Variants in TMEM41B observed in about 807,000 individuals in gnomAD.
The protein encoded by TMEM41B is protein stasimon.
In TMEM41B, 18 loss-of-function variants were observed where a neutral mutation model predicts 31.9. The observed-to-expected ratio is 0.56, with a 90% CI of 0.39 to 0.84. TMEM41B has a LOEUF of 0.84. Ranked by LOEUF, TMEM41B falls within the 40% of genes least tolerant of loss-of-function variation. The pLI is 0.00. For synonymous variants in TMEM41B, 144 were observed against 124.3 expected, an observed-to-expected ratio of 1.16 and a Z score of -1.05; for missense variants, 322 against 348.0, an observed-to-expected ratio of 0.93 and a Z score of 0.59.
intron 2 of TMEM41B, among the ~76,000 whole-genome samples, chr11:9,296,372 C>A (rs1279068195): frequency 6.6e-6 from 1 of 151,578 alleles, no homozygotes; most frequent in Non-Finnish European, 1.5e-5. Flanking sequence ...ACGCCTGTAA[C>A]CCCAGCACTT....
intron 1 of TMEM41B, among the ~76,000 whole-genome samples, chr11:9,305,974 C>CTTTTTT (rs764647127): frequency 9.8e-6 from 1 of 101,592 alleles, no homozygotes; most frequent in Non-Finnish European, 2.1e-5. Flanking sequence ...TACACCAGCA[C>CTTTTTT]TTTTCTTTTT....
intron 3 of TMEM41B, 178 bp downstream of exon 3, chr11:9,295,081 G>C (rs1471812612): frequency 1.1e-6 from 1 of 894,380 alleles, no homozygotes; most frequent in East Asian, 3.6e-5. Flanking sequence ...AAAACAATTA[G>C]TTCAGCAAAT....
At chr11:9,314,240 G>GAC in intron 1 of TMEM41B, 81 bp downstream of exon 1, 1 of 1,456,524 alleles carries the variant, frequency 6.9e-7, no homozygotes, top group Non-Finnish European at 9.1e-7. Flanking sequence ...GCGACTCTCC[G>GAC]AGAATAGCGG....
intron 1 of TMEM41B, among the ~76,000 whole-genome samples, chr11:9,305,927 C>T (rs1160134386): frequency 6.6e-6 from 1 of 150,872 alleles, no homozygotes; most frequent in East Asian, 1.9e-4. Flanking sequence ...CTTATGGCCA[C>T]ATTACACACA....
chr11:9,308,532 G>C (rs1430541729), intron 1 of TMEM41B, among the ~76,000 whole-genome samples: 1 of 151,964 alleles, frequency 6.6e-6, no homozygotes, highest in Non-Finnish European at 1.5e-5. Context: ...TAGCACCTTT[G>C]ACTGAAATCC....
chr11:9,309,508 G>C (rs926477989), intron 1 of TMEM41B, among the ~76,000 whole-genome samples: 6 of 111,962 alleles, frequency 5.4e-5, no homozygotes, highest in African/African-American at 1.5e-4. Context: ...TTCATCTACA[G>C]TAATCAGAGC....
At chr11:9,309,942 CAAAA>C in intron 1 of TMEM41B, among the ~76,000 whole-genome samples, 1 of 148,050 alleles carries the variant, frequency 6.8e-6, no homozygotes, top group East Asian at 2.0e-4. Context: ...AACAAAAGAA[CAAAA>C]AAAAATATTG....
intron 3 of TMEM41B, among the ~76,000 whole-genome samples, chr11:9,289,662 G>C (rs1003302922): frequency 1.3e-5 from 2 of 152,108 alleles, no homozygotes; most frequent in Non-Finnish European, 2.9e-5. Context: ...TTCTCTCCTC[G>C]TTCCCTGTGA....
chr11:9,299,635 G>C lies in TMEM41B; in HGVS notation c.188C>G (p.Ser63Cys), dbSNP rs146109503. 1 of 1,613,622 alleles carries C rather than the reference G, an allele frequency of 6.2e-7. No individual in the cohort carries two copies. Among genetic ancestry groups the C allele is most frequent in the Non-Finnish European group, 8.5e-7 (1 of 1,179,894 alleles). Residue 63 changes from serine to cysteine, a missense_variant, in exon 2 of 7, where the codon TCT (serine) becomes TGT (cysteine). By Grantham distance (112) the Ser-to-Cys change is moderately radical (BLOSUM62 -1). Coordinates refer to ENST00000528080, the MANE Select transcript of TMEM41B (RefSeq NM_015012.4). ...SLLILVSIFL[S>C]AAFVMFLVYK... ...TACCAAAAACATAACAAAAGCTGCA[G>C]ATAAGAAAATGGACACCAATATAAG...
chr11:9,285,494 C>G (rs1294900934), intron 6 of TMEM41B, among the ~76,000 whole-genome samples: 1 of 152,106 alleles, frequency 6.6e-6, no homozygotes, highest in Non-Finnish European at 1.5e-5. Flanking sequence ...TGTAAGAAAT[C>G]TGCTCGTATT....
In TMEM41B at chr11:9,308,908, C is replaced by T. The variant is rs778301124; in HGVS notation, c.121+5413G>A. On this transcript the variant is annotated intron_variant, in intron 1 of 6. Transcript: ENST00000528080. ...GCTTACCTGAAGCTTCAAGGGGAAC[C>T]AAACTTAAGGTTAAGCTGACATCAA... is the stretch of plus-strand genomic sequence containing the variant. Among the ~76,000 whole-genome samples, 95 of 152,136 alleles carry T rather than the reference C, an allele frequency of 6.2e-4. 2 individuals are homozygous for T. Among genetic ancestry groups the T allele is most frequent in the South Asian group, 2.1e-4 (1 of 4,822 alleles).
At chr11:9,286,617 A>G (rs1381904752) in intron 5 of TMEM41B, 24 bp from the exon 6 acceptor site, 1 of 1,581,030 alleles carries the variant, frequency 6.3e-7, no homozygotes, top group Non-Finnish European at 8.6e-7. Context: ...GAAAAGAATT[A>G]GCATCAGATG....
Position 9,283,342 on chromosome 11 carries a change from A to C in TMEM41B, c.*82T>G, listed in dbSNP as rs1852764254. ...CAAATTCCTTGTTTAATTACTGAAG[A>C]GGTGATTTTAAAACATAAATGGATG... On this transcript the variant is annotated 3_prime_UTR_variant, in exon 7 of 7. Coordinates refer to ENST00000528080, the MANE Select transcript of TMEM41B (RefSeq NM_015012.4). 3.8e-6 allele frequency: 4 copies of C among 1,050,534 alleles called. No individual in the cohort carries two copies. In the East Asian group the frequency reaches 1.0e-4, roughly 26 times the overall value. 65.1% of individuals were successfully genotyped at this position (1,050,534 alleles called of 1,614,324 possible).
Position 9,281,385 on chromosome 11 carries a change from A to C in TMEM41B, c.*2039T>G, listed in dbSNP as rs1757851426. On this transcript the variant is annotated 3_prime_UTR_variant, in exon 7 of 7. Coordinates refer to ENST00000528080, the MANE Select transcript of TMEM41B (RefSeq NM_015012.4). ...CTCACGCAAAAGGCCAGGTGACATA[A>C]GAATACTACAATAATCAATATGTTT... 1 of 152,240 alleles carries C rather than the reference A, an allele frequency of 6.6e-6. No individual in the cohort carries two copies. The highest frequency in any genetic ancestry group is 2.1e-4 in the South Asian group (1 of 4,834). The allele number at this position is 152,240 out of a possible 1,614,324, so 9.4% of individuals were successfully genotyped here. A position where few individuals can be genotyped will look rare whatever the true frequency, so the allele number is the denominator to read the frequency against.
chr11:9,298,567 C>T (rs536640236), intron 2 of TMEM41B, among the ~76,000 whole-genome samples: 1 of 151,958 alleles, frequency 6.6e-6, no homozygotes, highest in South Asian at 2.1e-4. Flanking sequence ...GAGTTTGGGA[C>T]CAGCCTGGCC....
chr11:9,285,368 C>G (rs1488136414), intron 6 of TMEM41B, among the ~76,000 whole-genome samples: 3 of 152,150 alleles, frequency 2.0e-5, no homozygotes, highest in Non-Finnish European at 4.4e-5. Flanking sequence ...TAGGCGTGAA[C>G]CACCGCGCCC....
At chr11:9,297,672 C>A (rs1443061737) in intron 2 of TMEM41B, among the ~76,000 whole-genome samples, 2 of 152,016 alleles carry the variant, frequency 1.3e-5, no homozygotes, top group African/African-American at 4.8e-5. Flanking sequence ...GCCTGGGCGA[C>A]AGAGTGAGAC....
At position 9,296,598 on chromosome 11, in the gene TMEM41B, C is replaced by T. The variant is rs138127804; in HGVS notation, c.240-1211G>A. Among the ~76,000 whole-genome samples the T allele has an allele frequency of 9.2e-3, 1,165 of 126,274 alleles. 13 individuals are homozygous for T. Among genetic ancestry groups the T allele is most frequent in the African/African-American group, 0.037 (1,114 of 29,836 alleles). 82.8% of individuals were successfully genotyped at this position (126,274 alleles called of 152,430 possible). On this transcript the variant is annotated intron_variant, in intron 2 of 6. Coordinates refer to ENST00000528080, the MANE Select transcript of TMEM41B (RefSeq NM_015012.4). ...CCTCCAGCCTGGGCAACAGAGACTC[C>T]GTCTCAAAAAAAAAAAAAAAAAAAA... is the stretch of plus-strand genomic sequence containing the variant.
intron 1 of TMEM41B, among the ~76,000 whole-genome samples, chr11:9,313,849 T>A (rs900467788): frequency 1.3e-5 from 2 of 152,106 alleles, no homozygotes; most frequent in Non-Finnish European, 2.9e-5. Flanking sequence ...AAGTAAACAG[T>A]AGGGCAGGGA....
Sources: gnomAD v4.1 joint callset for allele counts (sites outside exome capture counted in the v4.1 genomes callset) on GRCh38, gnomAD v4.1.1 for gene constraint, MANE v1.5 for transcripts, NCBI Gene and HGNC (gene_info 2026-07-23, HGNC 2026-07-21) for gene names.